The following TMEM187 variants were observed in gnomAD, a reference collection of about 807,000 sequenced individuals.
The protein encoded by TMEM187 is chromosome X open reading frame 12.
In TMEM187, 14 loss-of-function variants were observed where a neutral mutation model predicts 11.8. The observed-to-expected ratio is 1.18, with a 90% CI of 0.78 to 1.85. The LOEUF (loss-of-function observed/expected upper bound fraction) is 1.85, where lower values mean the gene tolerates loss of function less well. Ranked by LOEUF, TMEM187 falls within the 40% of genes most tolerant of loss-of-function variation. The pLI is 0.00. For synonymous variants in TMEM187, 112 were observed against 118.5 expected, an observed-to-expected ratio of 0.95 and a Z score of 0.36; for missense variants, 227 against 243.9, an observed-to-expected ratio of 0.93 and a Z score of 0.46.
chrX:153,982,826 C>T lies in TMEM187; in HGVS notation c.764C>T (p.Pro255Leu). 1 of 1,212,182 alleles carries T rather than the reference C, an allele frequency of 8.2e-7. No individual in the cohort carries two copies. The highest frequency in any genetic ancestry group is 1.8e-5 in the South Asian group (1 of 57,033). Reference protein sequence around the residue: ...THFNTHPRFHPSGGKTR With the variant: ...THFNTHPRFHLSGGKTR ...TTCAACACTCACCCAAGATTCCATC[C>T]CTCTGGCGGGAAGACGCGTTGAACC... Residue 255 changes from proline to leucine, a missense_variant, in exon 2 of 2, where the codon CCC becomes CTC. Physicochemically the swap from Pro to Leu is moderately conservative, Grantham distance 98 (BLOSUM62 -3). Coordinates refer to ENST00000369982, the MANE Select transcript of TMEM187 (RefSeq NM_003492.3).
intron 1 of TMEM187, among the ~76,000 whole-genome samples, chrX:153,976,638 G>T (rs1557121497): frequency 8.9e-6 from 1 of 112,762 alleles, no homozygotes; most frequent in African/African-American, 3.2e-5. Context: ...AAGGTGAGAG[G>T]GTCGCTTGAG....
At chrX:153,979,851 C>T (rs181597230) in intron 1 of TMEM187, among the ~76,000 whole-genome samples, 5,777 of 104,231 alleles carry the variant, frequency 0.055, 440 homozygotes, top group African/African-American at 0.19. Context: ...ATTCTCCTGC[C>T]TCAGCCTCCC....
In TMEM187 at chrX:153,975,576, C is replaced by T. The variant is rs60817023; in HGVS notation, c.-214+2716C>T. Among the ~76,000 whole-genome samples, 10 of 105,748 alleles carry T rather than the reference C, an allele frequency of 9.5e-5. No individual in the cohort carries two copies. The East Asian group carries it at 2.9e-3, about 31-fold the overall frequency. 91.8% of individuals were successfully genotyped at this position (105,748 alleles called of 115,157 possible). On this transcript the variant is annotated intron_variant, in intron 1 of 1. Coordinates refer to ENST00000369982, the MANE Select transcript of TMEM187 (RefSeq NM_003492.3). Reference sequence around the variant, plus strand: ...AACTCCTGACCTCAGGTGATCTGCCCGCCTCAGCCTCCCAGTGTGCTGGGA... The same window carrying T: ...AACTCCTGACCTCAGGTGATCTGCCTGCCTCAGCCTCCCAGTGTGCTGGGA...
intron 1 of TMEM187, among the ~76,000 whole-genome samples, chrX:153,978,571 T>A (rs1339382577): frequency 1.3e-5 from 1 of 76,181 alleles, no homozygotes; most frequent in East Asian, 3.7e-4. Flanking sequence ...CCTGGCCACT[T>A]TTTTTTTTTT....
chrX:153,978,830 A>G (rs1175029283), intron 1 of TMEM187, among the ~76,000 whole-genome samples: 1 of 109,423 alleles, frequency 9.1e-6, no homozygotes, highest in Non-Finnish European at 1.9e-5. Flanking sequence ...TCTGCCGCCC[A>G]GGCTGGAGTG....
In TMEM187 at chrX:153,981,898, C is replaced by G. The variant is rs906353981; in HGVS notation, c.-165C>G. The G allele has an allele frequency of 5.4e-6, 5 of 932,996 alleles. No individual in the cohort carries two copies. The African/African-American group carries it at 9.6e-5, about 18-fold the overall frequency. The allele number at this position is 932,996 out of a possible 1,213,427, so 76.9% of individuals were successfully genotyped here. A position where few individuals can be genotyped will look rare whatever the true frequency, so the allele number is the denominator to read the frequency against. On this transcript the variant is annotated 5_prime_UTR_variant, in exon 2 of 2. Transcript: ENST00000369982. ...CTGGCGCCAGCCAATCAGCAGGACTCCTGCCTTCCTTCGGGGCAAGGTCGC... is the reference window on the plus strand; with the variant it reads ...CTGGCGCCAGCCAATCAGCAGGACTGCTGCCTTCCTTCGGGGCAAGGTCGC...
intron 1 of TMEM187, among the ~76,000 whole-genome samples, chrX:153,978,849 C>T (rs1237499629): frequency 3.7e-5 from 4 of 109,070 alleles, no homozygotes; most frequent in African/African-American, 1.0e-4. Context: ...TGCAATGGCA[C>T]GATCTTGGCT....
chrX:153,980,302 T>C (rs1306625056), intron 1 of TMEM187, among the ~76,000 whole-genome samples: 2 of 110,741 alleles, frequency 1.8e-5, no homozygotes, highest in Admixed American at 9.6e-5. Context: ...GAGGCTGCAG[T>C]GAGCTGTGAT....
At position 153,982,095 on chromosome X, in the gene TMEM187, C is replaced by T. The variant is rs782685860; in HGVS notation, c.33C>T (p.His11=). 2.3e-5 allele frequency: 28 copies of T among 1,211,692 alleles called. No homozygotes were observed. Among genetic ancestry groups the T allele is most frequent in the Admixed American group, 6.5e-5 (3 of 46,045 alleles). The change falls in exon 2 of 2, where the codon CAC becomes CAT. Residue 11 remains histidine, a synonymous_variant. Coordinates refer to ENST00000369982, the MANE Select transcript of TMEM187 (RefSeq NM_003492.3). ...CAGAGTGGGGGCAGGCCTTCGTGCA[C>T]GTGGCCGTGGCCGGTGGCCTCTGTG... MNPEWGQAFV[H]VAVAGGLCAV...
intron 1 of TMEM187, among the ~76,000 whole-genome samples, chrX:153,975,476 G>A (rs1480185522): frequency 4.6e-5 from 5 of 107,804 alleles, no homozygotes; most frequent in Non-Finnish European, 9.6e-5. Context: ...GATTACAGGC[G>A]CATGCCACCA....
At position 153,982,108 on chromosome X, in the gene TMEM187, G is replaced by A. The variant is rs141621673; in HGVS notation, c.46G>A (p.Gly16Ser). ...GQAFVHVAVA[G>S]GLCAVAVFTG... ...GGCCTTCGTGCACGTGGCCGTGGCC[G>A]GTGGCCTCTGTGCCGTGGCTGTGTT... The change falls in exon 2 of 2, where the codon GGT (glycine) becomes AGT (serine). Residue 16 changes from glycine (G) to serine (S), a missense_variant. Gly to Ser is a moderately conservative substitution (Grantham distance 56, BLOSUM62 0). Transcript: ENST00000369982. The A allele has an allele frequency of 6.4e-5, 77 of 1,211,757 alleles. No homozygotes were observed. The African/African-American group carries it at 9.3e-4, about 15-fold the overall frequency.
chrX:153,977,827 A>T (rs1557121683), intron 1 of TMEM187, among the ~76,000 whole-genome samples: 1 of 110,344 alleles, frequency 9.1e-6, no homozygotes, highest in East Asian at 2.8e-4. Context: ...AGGCAGGAGA[A>T]TCTCTTGAAA....
At chrX:153,980,676 T>C (rs1557122239) in intron 1 of TMEM187, 1 of 111,111 alleles carries the variant, frequency 9.0e-6, no homozygotes, top group African/African-American at 3.3e-5. Flanking sequence ...CCCAGCACTT[T>C]GGGAGGCTGA....
At chrX:153,976,395 G>A (rs1432812421) in intron 1 of TMEM187, among the ~76,000 whole-genome samples, 1 of 111,148 alleles carries the variant, frequency 9.0e-6, no homozygotes, top group Non-Finnish European at 1.9e-5. Flanking sequence ...GCCAGGTGTG[G>A]TGGCAGGCGC....
rs371230701 is a variant in TMEM187 at position 153,979,495 on chromosome X, C to T, written c.-213-2355C>T. On this transcript the variant is annotated intron_variant, in intron 1 of 1. Transcript: ENST00000369982. ...TTGGCCTTCCAAATTGCTGGGATTACAGATGTGAGCCACCATGCCCAGCTA... is the reference window on the plus strand; with the variant it reads ...TTGGCCTTCCAAATTGCTGGGATTATAGATGTGAGCCACCATGCCCAGCTA... Among the ~76,000 whole-genome samples, 14 of 109,330 alleles carry T rather than the reference C, an allele frequency of 1.3e-4. 2 individuals carry two copies. The East Asian group carries it at 3.0e-3, about 24-fold the overall frequency. The allele number at this position is 109,330 out of a possible 115,157, so 94.9% of individuals were successfully genotyped here.
Position 153,982,833 on chromosome X carries a change from C to T in TMEM187, c.771C>T (p.Gly257=), listed in dbSNP as rs782453889. ...FNTHPRFHPS[G]GKTR ...CTCACCCAAGATTCCATCCCTCTGG[C>T]GGGAAGACGCGTTGAACCCAGGGAA... Residue 257 remains glycine (G), a synonymous_variant, in exon 2 of 2, where the codon GGC becomes GGT. Transcript: ENST00000369982. 60 of 1,212,017 alleles carry T rather than the reference C, an allele frequency of 5.0e-5. No homozygotes were observed. The highest frequency in any genetic ancestry group is 6.4e-5 in the Non-Finnish European group (57 of 895,603).
intron 1 of TMEM187, among the ~76,000 whole-genome samples, chrX:153,980,041 A>C (rs1188634364): frequency 9.2e-6 from 1 of 108,675 alleles, no homozygotes; most frequent in African/African-American, 3.4e-5. Flanking sequence ...CTGGCCCAAA[A>C]TTTTTTTAAC....
Position 153,981,956 on chromosome X carries a change from G to A in TMEM187, c.-107G>A. The A allele has an allele frequency of 3.4e-6, 4 of 1,169,778 alleles. No individual in the cohort carries two copies. The South Asian group carries it at 5.5e-5, about 16-fold the overall frequency. ...GCCTCGGAAATCACGAAATCACGGG[G>A]CTTCTTTCTGCTGGCTCAGCCGGGA... On this transcript the variant is annotated 5_prime_UTR_variant, in exon 2 of 2. Coordinates refer to ENST00000369982, the MANE Select transcript of TMEM187 (RefSeq NM_003492.3).
chrX:153,982,157 C>A lies in TMEM187; in HGVS notation c.95C>A (p.Ser32Tyr). ...AVFTGIFDSV[S>Y]VQVGYEHYAE... is the part of the protein sequence containing the mutation. ...TTCACGGGCATTTTCGACAGTGTTTCCGTGCAAGTGGGCTATGAGCACTAC... is the reference window on the plus strand; with the variant it reads ...TTCACGGGCATTTTCGACAGTGTTTACGTGCAAGTGGGCTATGAGCACTAC... Residue 32 changes from serine (S) to tyrosine (Y), a missense_variant, in exon 2 of 2, where the codon TCC becomes TAC. By Grantham distance (144) the Ser-to-Tyr change is moderately radical. Coordinates refer to ENST00000369982, the MANE Select transcript of TMEM187 (RefSeq NM_003492.3). The A allele has an allele frequency of 8.2e-7, 1 of 1,212,566 alleles. No individual in the cohort carries two copies. Among genetic ancestry groups the A allele is most frequent in the Non-Finnish European group, 1.1e-6 (1 of 895,691 alleles).
Sources: allele counts gnomAD v4.1 joint callset (sites outside exome capture counted in the v4.1 genomes callset), GRCh38; gene constraint gnomAD v4.1.1; transcripts MANE v1.5; gene names NCBI Gene and HGNC (gene_info 2026-07-23, HGNC 2026-07-21).